Variants in EEF1AKMT4 observed in about 807,000 individuals in gnomAD.
EEF1AKMT4 encodes the protein eukaryotic translation elongation factor 1 alpha lysine specific methyltransferase 4.
In EEF1AKMT4, 17 loss-of-function variants were observed where a neutral mutation model predicts 23.0. The ratio of observed to expected loss-of-function variants is 0.74; its 90% confidence interval spans 0.51 to 1.11. The LOEUF (loss-of-function observed/expected upper bound fraction) is 1.11. EEF1AKMT4 is among the 50% of genes least tolerant of loss of function. The probability of loss-of-function intolerance (pLI) is 0.00; values close to 1 mark genes in which losing one functional copy is unlikely to be tolerated. For missense variants in EEF1AKMT4, 318 were observed against 333.4 expected, an observed-to-expected ratio of 0.95 and a Z score of 0.36; for synonymous variants, 140 against 141.4, an observed-to-expected ratio of 0.99 and a Z score of 0.07.
Position 184,249,841 on chromosome 3 carries a change from T to A in EEF1AKMT4, c.147T>A (p.Arg49=). 5 of 1,613,174 alleles carry A rather than the reference T, an allele frequency of 3.1e-6. No individual in the cohort carries two copies. Among genetic ancestry groups the A allele is most frequent in the Non-Finnish European group, 4.2e-6 (5 of 1,179,978 alleles). ...GGTTCGGGGACTTCTCCTCCTTCCG[T>A]GCCCTCCTAGAGCCGGAGCTGCGGC... is the stretch of plus-strand genomic sequence containing the variant. ...YDWFGDFSSF[R]ALLEPELRPE... is the part of the protein sequence containing the mutation. Residue 49 remains arginine (R), a synonymous_variant, in exon 1 of 3, where the codon CGT becomes CGA. Coordinates refer to ENST00000324557, the MANE Select transcript of EEF1AKMT4 (RefSeq NM_032331.4).
rs902273277 is a variant in EEF1AKMT4 at position 184,258,752 on chromosome 3, G to C, written c.*177G>C. ...AACCAATACAGCCCAGCTCCAACTA[G>C]ATCCAGATTCCAGGTTTCTTGCTTC... On this transcript the variant is annotated 3_prime_UTR_variant, in exon 3 of 3. Transcript: ENST00000324557. 7.7e-6 allele frequency: 10 copies of C among 1,301,416 alleles called. No homozygotes were observed. Among genetic ancestry groups the C allele is most frequent in the Non-Finnish European group, 9.7e-6 (10 of 1,028,914 alleles). 80.6% of individuals were successfully genotyped at this position (1,301,416 alleles called of 1,614,324 possible). A position where few individuals can be genotyped will look rare whatever the true frequency, so the allele number is the denominator to read the frequency against.
At chr3:184,254,772 G>T in intron 1 of EEF1AKMT4, among the ~76,000 whole-genome samples, 1 of 152,000 alleles carries the variant, frequency 6.6e-6, no homozygotes, top group East Asian at 1.9e-4. Context: ...TTCAACTCCT[G>T]TTCCCATGAT....
Position 184,257,591 on chromosome 3 carries a change from G to C in EEF1AKMT4, c.315G>C (p.Pro105=). The C allele has an allele frequency of 6.2e-7, 1 of 1,614,160 alleles. No homozygotes were observed. Among genetic ancestry groups the C allele is most frequent in the Non-Finnish European group, 8.5e-7 (1 of 1,180,042 alleles). ...TGCAGGCTCGCCATGCCCATGTGCC[G>C]CAGCTGCGCTGGGAGACCATGGATG... ...AAMQARHAHV[P]QLRWETMDVR... The change falls in exon 2 of 3, where the codon CCG becomes CCC. Residue 105 remains proline (P), a synonymous_variant. Transcript: ENST00000324557.
Position 184,258,737 on chromosome 3 carries a change from G to A in EEF1AKMT4, c.*162G>A. 2 of 1,343,016 alleles carry A rather than the reference G, an allele frequency of 1.5e-6. No individual in the cohort carries two copies. Among genetic ancestry groups the A allele is most frequent in the Middle Eastern group, 2.4e-4 (1 of 4,116 alleles). 83.2% of individuals were successfully genotyped at this position (1,343,016 alleles called of 1,614,324 possible). ...GAGCGAACCCACATGAACCAATACA[G>A]CCCAGCTCCAACTAGATCCAGATTC... On this transcript the variant is annotated 3_prime_UTR_variant, in exon 3 of 3. Transcript: ENST00000324557.
chr3:184,256,692 C>T (rs112813049), intron 1 of EEF1AKMT4, among the ~76,000 whole-genome samples: 2,243 of 149,856 alleles, frequency 0.015, 26 homozygotes, highest in Non-Finnish European at 0.023. Context: ...TTTTTTGAGA[C>T]GGAGTTTCGC....
Position 184,258,683 on chromosome 3 carries a change from A to AG in EEF1AKMT4, c.*112dup. 1 of 1,486,402 alleles carries AG rather than the reference A, an allele frequency of 6.7e-7. No individual in the cohort carries two copies. The highest frequency in any genetic ancestry group is 1.8e-4 in the Middle Eastern group (1 of 5,522). 92.1% of individuals were successfully genotyped at this position (1,486,402 alleles called of 1,614,324 possible). A position where few individuals can be genotyped will look rare whatever the true frequency, so the allele number is the denominator to read the frequency against. Reference sequence around the variant, plus strand: ...GTTGGGTCCAAGGTGCTTACATCCCAGGGGCCTCATGCCTAAGATAGAGGG... The same window carrying AG: ...GTTGGGTCCAAGGTGCTTACATCCCAGGGGGCCTCATGCCTAAGATAGAGGG... On this transcript the variant is annotated 3_prime_UTR_variant, in exon 3 of 3. Transcript: ENST00000324557.
intron 1 of EEF1AKMT4, among the ~76,000 whole-genome samples, chr3:184,256,784 C>T (rs1719828317): frequency 6.6e-6 from 1 of 151,818 alleles, no homozygotes; most frequent in African/African-American, 2.4e-5. Context: ...AATTCTCCTG[C>T]CTCAGCCTCC....
chr3:184,257,393 C>G (rs754995962), intron 1 of EEF1AKMT4, 80 bp from the exon 2 acceptor site: 116 of 1,432,270 alleles, frequency 8.1e-5, no homozygotes, highest in Non-Finnish European at 1.0e-4. Flanking sequence ...AAAACGGGGC[C>G]AAGAGTGGAT....
At chr3:184,256,693 G>C (rs529705368) in intron 1 of EEF1AKMT4, among the ~76,000 whole-genome samples, 2 of 149,758 alleles carry the variant, frequency 1.3e-5, no homozygotes, top group African/African-American at 2.5e-5. Context: ...TTTTTGAGAC[G>C]GAGTTTCGCT....
intron 1 of EEF1AKMT4, among the ~76,000 whole-genome samples, chr3:184,255,440 G>C (rs1367091792): frequency 6.6e-6 from 1 of 152,212 alleles, no homozygotes; most frequent in Non-Finnish European, 1.5e-5. Context: ...GCCAAACCCT[G>C]ATAGATTAGG....
At chr3:184,257,396 G>T in intron 1 of EEF1AKMT4, 77 bp from the exon 2 acceptor site, 2 of 1,446,352 alleles carry the variant, frequency 1.4e-6, no homozygotes, top group Non-Finnish European at 1.9e-6. Flanking sequence ...ACGGGGCCAA[G>T]AGTGGATGGA....
Position 184,258,440 on chromosome 3 carries a change from G to A in EEF1AKMT4, c.633G>A (p.Met211Ile), listed in dbSNP as rs1453503179. 10 of 1,613,788 alleles carry A rather than the reference G, an allele frequency of 6.2e-6. No homozygotes were observed. In the Middle Eastern group the frequency reaches 4.9e-4, roughly 80 times the overall value. ...GTTTCCACTTCCATCTCTACCTCATGCACAAGGGCGGGAAGCTCAGTGTGG... is the reference window on the plus strand; with the variant it reads ...GTTTCCACTTCCATCTCTACCTCATACACAAGGGCGGGAAGCTCAGTGTGG... ...GSGFHFHLYL[M>I]HKGGKLSVAQ... Residue 211 changes from methionine (M) to isoleucine (I), a missense_variant, in exon 3 of 3, where the codon ATG becomes ATA. Transcript: ENST00000324557.
At chr3:184,256,902 T>C (rs1322624921) in intron 1 of EEF1AKMT4, among the ~76,000 whole-genome samples, 1 of 152,132 alleles carries the variant, frequency 6.6e-6, no homozygotes, top group African/African-American at 2.4e-5. Context: ...ACTCCTGACC[T>C]CAGGTGACCC....
intron 1 of EEF1AKMT4, among the ~76,000 whole-genome samples, chr3:184,254,275 T>A (rs1300274762): frequency 1.3e-5 from 2 of 152,096 alleles, no homozygotes; most frequent in African/African-American, 2.4e-5. Flanking sequence ...TCTGTAGGAA[T>A]CTTCTTGTTT....
At position 184,258,710 on chromosome 3, in the gene EEF1AKMT4, G is replaced by A; in HGVS notation, c.*135G>A. 6.9e-7 allele frequency: 1 copy of A among 1,441,652 alleles called. No homozygotes were observed. The allele number at this position is 1,441,652 out of a possible 1,614,324, so 89.3% of individuals were successfully genotyped here. ...GGGCCTCATGCCTAAGATAGAGGGT[G>A]GGAGCGAACCCACATGAACCAATAC... On this transcript the variant is annotated 3_prime_UTR_variant, in exon 3 of 3. Coordinates refer to ENST00000324557, the MANE Select transcript of EEF1AKMT4 (RefSeq NM_032331.4).
intron 1 of EEF1AKMT4, among the ~76,000 whole-genome samples, chr3:184,255,925 G>A (rs370870862): frequency 6.6e-6 from 1 of 152,216 alleles, no homozygotes; most frequent in African/African-American, 2.4e-5. Context: ...ACTGGAGCAT[G>A]AGCTCCTTGA....
At chr3:184,253,420 G>T (rs548196142) in intron 1 of EEF1AKMT4, among the ~76,000 whole-genome samples, 29 of 152,308 alleles carry the variant, frequency 1.9e-4, no homozygotes, top group African/African-American at 6.7e-4. Flanking sequence ...CTGGTAAAAT[G>T]ACTACATTGT....
chr3:184,251,964 C>T (rs1719576234), intron 1 of EEF1AKMT4, among the ~76,000 whole-genome samples: 1 of 152,148 alleles, frequency 6.6e-6, no homozygotes, highest in Non-Finnish European at 1.5e-5. Flanking sequence ...CTGTGTGGTC[C>T]TCCTAAAACC....
At position 184,256,286 on chromosome 3, in the gene EEF1AKMT4, A is replaced by AAAAAAAAAAAAAAAAG. The variant is rs1560171418; in HGVS notation, c.197-1183_197-1182insAAAAAAAAAAAGAAAA. Among the ~76,000 whole-genome samples, 10 of 146,660 alleles carry AAAAAAAAAAAAAAAAG rather than the reference A, an allele frequency of 6.8e-5. No homozygotes were observed. In the South Asian group the frequency reaches 1.9e-3, roughly 28 times the overall value. ...AAACTCCATCTCAAAAAAAAAAAAA[A>AAAAAAAAAAAAAAAAG]AAAAGAAAAGAAAAGAAAAAAAGAA... On this transcript the variant is annotated intron_variant, in intron 1 of 2. Coordinates refer to ENST00000324557, the MANE Select transcript of EEF1AKMT4 (RefSeq NM_032331.4).
Sources: allele counts gnomAD v4.1 joint callset (sites outside exome capture counted in the v4.1 genomes callset), GRCh38; gene constraint gnomAD v4.1.1; transcripts MANE v1.5; gene names NCBI Gene and HGNC (gene_info 2026-07-23, HGNC 2026-07-21).